Variants in CSMD3 observed in about 807,000 individuals in gnomAD.
CSMD3 encodes the protein CUB and sushi domain-containing protein 3.
In CSMD3, 177 loss-of-function variants were observed where a neutral mutation model predicts 435.2. That is an observed-to-expected ratio of 0.41 (90% CI 0.36 to 0.46). The LOEUF (loss-of-function observed/expected upper bound fraction) is 0.46, where lower values mean the gene tolerates loss of function less well. Among genes scored for constraint, CSMD3 ranks in the 20% least tolerant of loss-of-function variants. The pLI is 0.34. For missense variants in CSMD3, 4,265 were observed against 4,504.6 expected, an observed-to-expected ratio of 0.95 and a Z score of 1.52; for synonymous variants, 1,656 against 1,520.5, an observed-to-expected ratio of 1.09 and a Z score of -2.07.
At chr8:112,726,605 A>G (rs2076969993) in intron 13 of CSMD3, among the ~76,000 whole-genome samples, 1 of 151,826 alleles carries the variant, frequency 6.6e-6, no homozygotes, top group Admixed American at 6.6e-5. Flanking sequence ...TGTTTGTTAA[A>G]TTACATATGG....
chr8:113,122,063 T>G (rs1225369375), intron 4 of CSMD3, among the ~76,000 whole-genome samples: 2 of 152,142 alleles, frequency 1.3e-5, no homozygotes, highest in Non-Finnish European at 2.9e-5. Flanking sequence ...TCATTTCAAA[T>G]GAAGTACCTA....
At chr8:112,645,360 A>G in intron 19 of CSMD3, 135 bp from the exon 20 acceptor site, 1 of 706,628 alleles carries the variant, frequency 1.4e-6, no homozygotes, top group East Asian at 2.6e-5. Context: ...ACAGGTGTGC[A>G]TGCAGCACTA....
At chr8:113,257,303 T>G (rs569540568) in intron 3 of CSMD3, among the ~76,000 whole-genome samples, 20 of 152,044 alleles carry the variant, frequency 1.3e-4, no homozygotes, top group Admixed American at 7.9e-4. Flanking sequence ...CCCAGCTACA[T>G]GGAAGGCTGA....
At chr8:112,654,782 G>A (rs2075215735) in intron 18 of CSMD3, among the ~76,000 whole-genome samples, 1 of 152,122 alleles carries the variant, frequency 6.6e-6, no homozygotes, top group African/African-American at 2.4e-5. Context: ...CACATACCTT[G>A]GGTGGAATGG....
intron 3 of CSMD3, among the ~76,000 whole-genome samples, chr8:113,194,208 A>G (rs1282848600): frequency 1.3e-5 from 2 of 151,334 alleles, no homozygotes; most frequent in African/African-American, 2.4e-5. Context: ...TAAAAACTTA[A>G]TTACTCTGTA....
chr8:113,423,696 T>G (rs1286127911), intron 1 of CSMD3, among the ~76,000 whole-genome samples: 1 of 151,914 alleles, frequency 6.6e-6, no homozygotes, highest in African/African-American at 2.4e-5. Flanking sequence ...TTACCTCACA[T>G]GAATTAGTAT....
chr8:112,873,003 T>G (rs1340764963), intron 10 of CSMD3, among the ~76,000 whole-genome samples: 2 of 151,880 alleles, frequency 1.3e-5, no homozygotes, highest in Admixed American at 1.3e-4. Context: ...GACAACAAAT[T>G]CTACAAAAGA....
At position 113,168,054 on chromosome 8, in the gene CSMD3, AT is replaced by A. The variant is rs575660049; in HGVS notation, c.709+5667del. Among the ~76,000 whole-genome samples, 874 of 152,244 alleles carry A rather than the reference AT, an allele frequency of 5.7e-3. 4 individuals are homozygous for A. The highest frequency in any genetic ancestry group is 0.019 in the African/African-American group (787 of 41,544). ...GAACTTTTAATACATGGTTCATGACATTTTTATATTCAATAGTGCATTTGAG... is the reference window on the plus strand; with the variant it reads ...GAACTTTTAATACATGGTTCATGACATTTTATATTCAATAGTGCATTTGAG... On this transcript the variant is annotated intron_variant, in intron 4 of 70. Transcript: ENST00000297405.
Position 113,413,710 on chromosome 8 carries a change from T to C in CSMD3, c.178+22967A>G, listed in dbSNP as rs145875841. ...GATGTATTATATTTTGAAGAAAACA[T>C]ACTTGCTATGCATTTTGTATAGTGA... is the stretch of plus-strand genomic sequence containing the variant. On this transcript the variant is annotated intron_variant, in intron 1 of 70. Transcript: ENST00000297405. Among the ~76,000 whole-genome samples, 154 of 152,322 alleles carry C rather than the reference T, an allele frequency of 1.0e-3. 1 individual carries two copies. The highest frequency in any genetic ancestry group is 3.6e-3 in the African/African-American group (148 of 41,584).
At chr8:112,431,945 A>T (rs568110920) in intron 32 of CSMD3, among the ~76,000 whole-genome samples, 1 of 152,078 alleles carries the variant, frequency 6.6e-6, no homozygotes, top group Admixed American at 6.6e-5. Flanking sequence ...TCTCTTGGAG[A>T]ATCTACCTCT....
chr8:112,688,249 G>T (rs2076055720), intron 14 of CSMD3, among the ~76,000 whole-genome samples: 1 of 152,038 alleles, frequency 6.6e-6, no homozygotes, highest in Non-Finnish European at 1.5e-5. Flanking sequence ...ACACTTTAAT[G>T]GCCCTTATCA....
chr8:112,653,676 T>C (rs1404969211), intron 18 of CSMD3, among the ~76,000 whole-genome samples: 1 of 150,366 alleles, frequency 6.7e-6, no homozygotes, highest in Non-Finnish European at 1.5e-5. Flanking sequence ...TTTTTTTTTT[T>C]TGAGATGGAG....
intron 6 of CSMD3, among the ~76,000 whole-genome samples, chr8:112,992,459 T>A (rs1441670139): frequency 6.6e-6 from 1 of 151,776 alleles, no homozygotes; most frequent in Non-Finnish European, 1.5e-5. Context: ...GTAGCCTAGT[T>A]CGCCTTGGTC....
intron 5 of CSMD3, among the ~76,000 whole-genome samples, chr8:113,064,920 G>A (rs946660929): frequency 5.3e-5 from 8 of 152,064 alleles, no homozygotes; most frequent in African/African-American, 1.9e-4. Flanking sequence ...ACAAAAATAT[G>A]TGTCACAGAT....
In CSMD3 at chr8:112,838,844, A is replaced by T. The variant is rs187434948; in HGVS notation, c.1756-9055T>A. 3.3e-5 allele frequency among the ~76,000 whole-genome samples: 5 copies of T among 151,914 alleles called. No individual in the cohort carries two copies. In the East Asian group the frequency reaches 9.7e-4, roughly 29 times the overall value. On this transcript the variant is annotated intron_variant, in intron 11 of 70. Coordinates refer to ENST00000297405, the MANE Select transcript of CSMD3 (RefSeq NM_198123.2). ...TAATCATCCTAAATTAGCTACTTAAAAATAAATATACAAAGGTAAACTTAT... is the reference window on the plus strand; with the variant it reads ...TAATCATCCTAAATTAGCTACTTAATAATAAATATACAAAGGTAAACTTAT...
intron 17 of CSMD3, among the ~76,000 whole-genome samples, chr8:112,658,341 C>T (rs908787018): frequency 6.6e-6 from 1 of 152,154 alleles, no homozygotes; most frequent in African/African-American, 2.4e-5. Flanking sequence ...TGTGGTCAAA[C>T]AAATGCCCAG....
At chr8:112,737,363 A>C (rs887732997) in intron 13 of CSMD3, among the ~76,000 whole-genome samples, 2 of 152,104 alleles carry the variant, frequency 1.3e-5, no homozygotes, top group Middle Eastern at 3.4e-3. Flanking sequence ...CATCTCTTTA[A>C]GGCTTTAAGT....
intron 11 of CSMD3, among the ~76,000 whole-genome samples, chr8:112,847,331 C>G (rs2080351920): frequency 6.6e-6 from 1 of 152,114 alleles, no homozygotes; most frequent in Non-Finnish European, 1.5e-5. Context: ...TTGGTCCACA[C>G]ATGAGCCCTG....
chr8:112,235,433 A>C (rs1218960278), intron 67 of CSMD3, among the ~76,000 whole-genome samples: 1 of 152,010 alleles, frequency 6.6e-6, no homozygotes. Context: ...CAACAACAAC[A>C]AAAAACAGCA....
Sources: allele counts gnomAD v4.1 joint callset (sites outside exome capture counted in the v4.1 genomes callset), GRCh38; gene constraint gnomAD v4.1.1; transcripts MANE v1.5; gene names NCBI Gene and HGNC (gene_info 2026-07-23, HGNC 2026-07-21).